VSIG1: variants seen among roughly 807,000 people sequenced by gnomAD.
VSIG1 encodes the protein V-set and immunoglobulin domain-containing protein 1.
VSIG1 carries 11 observed loss-of-function variants against 20.1 expected under a neutral mutation model. The observed-to-expected ratio is 0.55, with a 90% confidence interval of 0.34 to 0.91. The LOEUF is 0.91. VSIG1 is among the 40% of genes least tolerant of loss of function. The pLI, the probability that VSIG1 is intolerant of heterozygous loss-of-function variation, is 0.02. For synonymous variants in VSIG1, 126 were observed against 116.7 expected (o/e 1.08, Z -0.52); for missense variants, 283 against 298.8 (o/e 0.95, Z 0.39).
At chrX:108,046,514 C>T (rs1386859926) in intron 1 of VSIG1, among the ~76,000 whole-genome samples, 1 of 110,638 alleles carries the variant, frequency 9.0e-6, no homozygotes, top group Non-Finnish European at 1.9e-5. Context: ...CTTGCCCTGG[C>T]CCATACTAGG....
chrX:108,052,998 T>G (rs776425474), intron 1 of VSIG1, among the ~76,000 whole-genome samples: 2 of 111,630 alleles, frequency 1.8e-5, no homozygotes, highest in East Asian at 5.6e-4. Context: ...AAAAACTGGC[T>G]GATGGACTCA....
At chrX:108,072,531 G>C in intron 3 of VSIG1, 146 bp from the exon 4 acceptor site, 2 of 555,592 alleles carry the variant, frequency 3.6e-6, no homozygotes, top group Non-Finnish European at 5.6e-6. Context: ...GGGATTACAG[G>C]CATGAGCCAC....
the VSIG1 span, among the ~76,000 whole-genome samples, chrX:108,020,152 C>T: frequency 8.9e-6 from 1 of 112,073 alleles, no homozygotes; most frequent in South Asian, 3.7e-4. Flanking sequence ...ATTTGAACGC[C>T]TCACCAGGTG....
chrX:108,065,946 C>G (rs1001832571), intron 2 of VSIG1, among the ~76,000 whole-genome samples: 3 of 111,366 alleles, frequency 2.7e-5, no homozygotes, highest in African/African-American at 9.8e-5. Flanking sequence ...TAAAACCAGG[C>G]TGCCATGGAG....
At chrX:108,061,478 G>C in intron 2 of VSIG1, 1 of 1,167,379 alleles carries the variant, frequency 8.6e-7, no homozygotes, top group Non-Finnish European at 1.1e-6. Flanking sequence ...CAGTCAGTCA[G>C]TGTCTAAAAA....
At chrX:108,057,727 T>G (rs1478850092) in intron 1 of VSIG1, among the ~76,000 whole-genome samples, 1 of 111,688 alleles carries the variant, frequency 9.0e-6, no homozygotes, top group Non-Finnish European at 1.9e-5. Context: ...ACCAGACAGT[T>G]TTGGGTCCCT....
chrX:108,033,832 T>C, the VSIG1 span, among the ~76,000 whole-genome samples: 3 of 110,596 alleles, frequency 2.7e-5, no homozygotes, highest in East Asian at 5.8e-4. Flanking sequence ...GCTCACTGCC[T>C]GAAAAAAAGC....
upstream of VSIG1, among the ~76,000 whole-genome samples, chrX:108,042,331 C>A (rs1450053046): frequency 8.0e-5 from 9 of 111,903 alleles, no homozygotes; most frequent in Non-Finnish European, 7.5e-5. Context: ...TTAGGGCCAA[C>A]CAACTCAGAC....
intron 1 of VSIG1, among the ~76,000 whole-genome samples, chrX:108,050,951 G>A (rs187503460): frequency 8.1e-5 from 9 of 111,060 alleles, no homozygotes; most frequent in Admixed American, 7.6e-4. Flanking sequence ...CCACCCAGCA[G>A]AAGAAAGAAA....
intron 2 of VSIG1, among the ~76,000 whole-genome samples, chrX:108,061,170 T>C (rs1170115273): frequency 8.9e-6 from 1 of 112,883 alleles, no homozygotes; most frequent in Admixed American, 9.3e-5. Flanking sequence ...TTGGCCTCCA[T>C]TTCAAGACTG....
the VSIG1 span, among the ~76,000 whole-genome samples, chrX:108,025,938 G>A: frequency 3.6e-5 from 4 of 111,233 alleles, no homozygotes; most frequent in Admixed American, 9.4e-5. Flanking sequence ...GTAAATGTTC[G>A]AAGAATCCTC....
upstream of VSIG1, among the ~76,000 whole-genome samples, chrX:108,040,263 C>G (rs973607619): frequency 8.1e-5 from 9 of 111,708 alleles, no homozygotes; most frequent in African/African-American, 2.9e-4. Flanking sequence ...CAGTAAACCT[C>G]TACAAAGAGG....
chrX:108,023,221 T>A, the VSIG1 span, among the ~76,000 whole-genome samples: 18 of 112,057 alleles, frequency 1.6e-4, no homozygotes, highest in South Asian at 5.3e-3. Flanking sequence ...TTTATTGAGA[T>A]GATCATGTGC....
At chrX:108,076,448 G>T (rs759753474) in intron 6 of VSIG1, among the ~76,000 whole-genome samples, 1 of 112,161 alleles carries the variant, frequency 8.9e-6, no homozygotes, top group Non-Finnish European at 1.9e-5. Flanking sequence ...TATCACAACA[G>T]TTTTAGGTCC....
intron 3 of VSIG1, among the ~76,000 whole-genome samples, chrX:108,067,344 A>G (rs2031153856): frequency 9.0e-6 from 1 of 111,609 alleles, no homozygotes; most frequent in Non-Finnish European, 1.9e-5. Flanking sequence ...CAATTGTGCA[A>G]ACGGGCTGCC....
intron 1 of VSIG1, among the ~76,000 whole-genome samples, 189 bp downstream of exon 1, chrX:108,045,368 C>T (rs56161220): frequency 0.35 from 38,870 of 111,021 alleles, 5,325 homozygotes; most frequent in Non-Finnish European, 0.42. Flanking sequence ...GGGGTGTAAG[C>T]CCATAATATT....
At chrX:108,074,736 G>A (rs1231496587) in intron 5 of VSIG1, among the ~76,000 whole-genome samples, 1 of 111,671 alleles carries the variant, frequency 9.0e-6, no homozygotes. Flanking sequence ...GCAGGATCTT[G>A]AAGGAACTTG....
chrX:108,036,892 G>A, the VSIG1 span, among the ~76,000 whole-genome samples: 1 of 111,676 alleles, frequency 9.0e-6, no homozygotes, highest in East Asian at 2.8e-4. Context: ...GGCAGAAGAG[G>A]GACTTTCACT....
intron 5 of VSIG1, among the ~76,000 whole-genome samples, chrX:108,074,604 A>G (rs895858339): frequency 4.5e-5 from 5 of 112,271 alleles, no homozygotes; most frequent in African/African-American, 1.6e-4. Flanking sequence ...AGCTAGAGGG[A>G]CAAACACAAC....
Sources: allele counts gnomAD v4.1 joint callset (sites outside exome capture counted in the v4.1 genomes callset), GRCh38; gene constraint gnomAD v4.1.1; transcripts MANE v1.5; gene names NCBI Gene and HGNC (gene_info 2026-07-23, HGNC 2026-07-21).